SORCS1: variants seen among roughly 807,000 people sequenced by gnomAD.
SORCS1 encodes VPS10 domain-containing receptor SorCS1.
SORCS1 carries 60 observed loss-of-function variants against 146.1 expected under a neutral mutation model. The ratio of observed to expected loss-of-function variants is 0.41; its 90% CI spans 0.33 to 0.51. The LOEUF (loss-of-function observed/expected upper bound fraction) is 0.51. Among genes scored for constraint, SORCS1 ranks in the 20% least tolerant of loss-of-function variants. The pLI, the probability that SORCS1 is intolerant of heterozygous loss-of-function variation, is 0.21. For missense variants in SORCS1, 1,352 were observed against 1,487.6 expected (o/e 0.91, Z 1.50); for synonymous variants, 637 against 584.0 (o/e 1.09, Z -1.31).
intron 2 of SORCS1, among the ~76,000 whole-genome samples, chr10:106,952,557 T>TTA (rs1954737270): frequency 6.8e-6 from 1 of 147,684 alleles, no homozygotes; most frequent in African/African-American, 2.5e-5. Context: ...TTATATTATA[T>TTA]TATATTATAT....
chr10:107,100,357 C>CA (rs1421691629), intron 1 of SORCS1, among the ~76,000 whole-genome samples: 1 of 151,898 alleles, frequency 6.6e-6, no homozygotes, highest in African/African-American at 2.4e-5. Flanking sequence ...ACTAAAAATA[C>CA]AAAAAACTTA....
rs111634393 is a variant in SORCS1, at chr10:106,937,336, A to AT, written c.626+19176dup. Among the ~76,000 whole-genome samples the AT allele has an allele frequency of 4.2e-3, 604 of 143,714 alleles. 5 individuals carry two copies. Among genetic ancestry groups the AT allele is most frequent in the East Asian group, 5.2e-3 (25 of 4,796 alleles). The allele number at this position is 143,714 out of a possible 152,430, so 94.3% of individuals were successfully genotyped here. On this transcript the variant is annotated intron_variant, in intron 2 of 25. Transcript: ENST00000263054. Reference sequence around the variant, plus strand: ...CAGGTGCCCACCACCATGCCCAGCTATTTTTTTTTTTTTTGTATTTTTAGT... The same window carrying AT: ...CAGGTGCCCACCACCATGCCCAGCTATTTTTTTTTTTTTTTGTATTTTTAGT...
At chr10:106,750,129 A>C (rs564958884) in intron 5 of SORCS1, among the ~76,000 whole-genome samples, 1 of 152,164 alleles carries the variant, frequency 6.6e-6, no homozygotes, top group South Asian at 2.1e-4. Context: ...AACTCCTCCT[A>C]ATAAAATTAT....
intron 1 of SORCS1, among the ~76,000 whole-genome samples, chr10:107,003,494 C>T (rs940966287): frequency 1.4e-5 from 2 of 145,110 alleles, no homozygotes; most frequent in Admixed American, 7.0e-5. Flanking sequence ...AGACTCACTT[C>T]CTCTTAGCTA....
At chr10:106,920,839 G>C (rs1952676270) in intron 2 of SORCS1, among the ~76,000 whole-genome samples, 1 of 152,118 alleles carries the variant, frequency 6.6e-6, no homozygotes, top group Non-Finnish European at 1.5e-5. Context: ...AGTCCAAATA[G>C]TGGGTGGAGT....
At chr10:106,706,384 A>C (rs1168338260) in intron 8 of SORCS1, among the ~76,000 whole-genome samples, 161 bp downstream of exon 8, 1 of 152,114 alleles carries the variant, frequency 6.6e-6, no homozygotes, top group Non-Finnish European at 1.5e-5. Flanking sequence ...AATAGGACTG[A>C]CCAAAGAGAC....
At chr10:106,941,284 G>C (rs774108644) in intron 2 of SORCS1, among the ~76,000 whole-genome samples, 3 of 152,188 alleles carry the variant, frequency 2.0e-5, no homozygotes, top group Non-Finnish European at 2.9e-5. Flanking sequence ...GTGTTTGTCT[G>C]TTGGTGTTGT....
intron 2 of SORCS1, among the ~76,000 whole-genome samples, chr10:106,919,408 TTC>T (rs1952598153): frequency 6.6e-6 from 1 of 152,196 alleles, no homozygotes; most frequent in Non-Finnish European, 1.5e-5. Context: ...TGTACTCTTT[TTC>T]TCTCTCTTCC....
intron 2 of SORCS1, among the ~76,000 whole-genome samples, chr10:106,895,734 A>T (rs59020807): frequency 0.04 from 6,020 of 152,260 alleles, 400 homozygotes; most frequent in African/African-American, 0.14. Flanking sequence ...GAGGTTCCTT[A>T]AAAAATTAAA....
At chr10:106,675,209 C>A (rs1457484252) in intron 13 of SORCS1, 53 bp from the exon 14 acceptor site, 6 of 1,359,982 alleles carry the variant, frequency 4.4e-6, no homozygotes, top group African/African-American at 4.3e-5. Context: ...AAAAAAATGT[C>A]ATTTCAAAGG....
chr10:106,698,044 T>A (rs1423959623), intron 9 of SORCS1, among the ~76,000 whole-genome samples: 1 of 152,176 alleles, frequency 6.6e-6, no homozygotes, highest in Non-Finnish European at 1.5e-5. Flanking sequence ...ACACATAAAC[T>A]AGACCCTATG....
In SORCS1 at chr10:106,776,588, C is replaced by A; in HGVS notation, c.831G>T (p.Leu277Phe). The stretch of plus-strand genomic sequence containing the variant: ...AGTCTTCTTGTTTGGGGTGAAAAAG[C>A]AAGCTTTGAATGTAGAAGTTCAGCC... ...KYRLNFYIQS[L>F]LFHPKQEDWI... is the part of the protein sequence containing the mutation. Residue 277 changes from leucine (L) to phenylalanine (F), a missense_variant, in exon 4 of 26, where the codon TTG becomes TTT. Leu to Phe is a conservative substitution (Grantham distance 22). Around this residue, in one of 3 missense-constraint regions of SORCS1, gnomAD observed 490 missense variants for 489.1 expected, o/e 1.00. Transcript: ENST00000263054. The A allele has an allele frequency of 1.9e-6, 3 of 1,614,048 alleles. No homozygotes were observed. Among genetic ancestry groups the A allele is most frequent in the South Asian group, 1.1e-5 (1 of 91,066 alleles).
intron 1 of SORCS1, among the ~76,000 whole-genome samples, chr10:107,136,675 G>T (rs1346696918): frequency 6.6e-6 from 1 of 152,140 alleles, no homozygotes; most frequent in African/African-American, 2.4e-5. Context: ...TAACCACATT[G>T]ATTATTAAGT....
chr10:106,984,056 G>T (rs1361753457), intron 1 of SORCS1, among the ~76,000 whole-genome samples: 1 of 151,964 alleles, frequency 6.6e-6, no homozygotes, highest in African/African-American at 2.4e-5. Flanking sequence ...CCAATTCCTG[G>T]GTTAATGGAA....
intron 1 of SORCS1, among the ~76,000 whole-genome samples, chr10:107,116,490 G>A (rs1966046092): frequency 6.6e-6 from 1 of 152,000 alleles, no homozygotes; most frequent in South Asian, 2.1e-4. Flanking sequence ...ACATTATACA[G>A]CTTTAAAAAG....
chr10:107,160,890 A>G lies in SORCS1; in HGVS notation c.558+3079T>C, dbSNP rs146366757. On this transcript the variant is annotated intron_variant, in intron 1 of 25. Transcript: ENST00000263054. Reference sequence around the variant, plus strand: ...ATTTTAACACTCTAAGGATTACTATATAAATTTAGATCAGGGCACAGCATG... The same window carrying G: ...ATTTTAACACTCTAAGGATTACTATGTAAATTTAGATCAGGGCACAGCATG... 4.2e-3 allele frequency among the ~76,000 whole-genome samples: 636 copies of G among 152,332 alleles called. 6 individuals are homozygous for G. The highest frequency in any genetic ancestry group is 0.013 in the African/African-American group (527 of 41,570).
At chr10:106,911,331 G>A (rs1952139953) in intron 2 of SORCS1, among the ~76,000 whole-genome samples, 1 of 152,228 alleles carries the variant, frequency 6.6e-6, no homozygotes, top group African/African-American at 2.4e-5. Flanking sequence ...ACCATCCGGT[G>A]ACACATTGAG....
In SORCS1 at chr10:106,576,176, A is replaced by C. The variant is rs1844567363; in HGVS notation, c.*1244T>G. 1 of 152,302 alleles carries C rather than the reference A, an allele frequency of 6.6e-6. No individual in the cohort carries two copies. The highest frequency in any genetic ancestry group is 6.5e-5 in the Admixed American group (1 of 15,280). The allele number at this position is 152,302 out of a possible 1,614,324, so 9.4% of individuals were successfully genotyped here. ...TAGAGGAAAAGACAAAGATACATGA[A>C]ACTGAACCCTGCTGTGCAGGATGCA... On this transcript the variant is annotated 3_prime_UTR_variant, in exon 26 of 26. Transcript: ENST00000263054.
At chr10:106,622,944 T>C (rs1460850336) in intron 19 of SORCS1, among the ~76,000 whole-genome samples, 1 of 152,222 alleles carries the variant, frequency 6.6e-6, no homozygotes, top group Non-Finnish European at 1.5e-5. Context: ...GTCCCAGGCA[T>C]TGGAAAATGC....
Sources: gnomAD v4.1 joint callset for allele counts (sites outside exome capture counted in the v4.1 genomes callset) on GRCh38, gnomAD v4.1.1 for gene constraint, gnomAD v4.1.1 regional missense constraint, MANE v1.5 for transcripts, NCBI Gene and HGNC (gene_info 2026-07-23, HGNC 2026-07-21) for gene names.